BICRAL: variants seen among roughly 807,000 people sequenced by gnomAD.
BICRAL encodes the protein BRD4-interacting chromatin-remodeling complex-associated protein-like.
A neutral mutation model predicts 91.8 loss-of-function variants in BICRAL; 8 were observed. That is an observed-to-expected ratio of 0.09 (90% confidence interval 0.05 to 0.16). The LOEUF is 0.16. Ranked by LOEUF, BICRAL falls within the 10% of genes least tolerant of loss-of-function variation. The probability of loss-of-function intolerance (pLI) is 1.00; values close to 1 mark genes in which losing one functional copy is unlikely to be tolerated. For synonymous variants in BICRAL, 445 were observed against 491.1 expected (o/e 0.91, Z 1.24); for missense variants, 1,038 against 1,310.9 (o/e 0.79, Z 3.21).
At chr6:42,792,739 C>G (rs1763308096) in intron 1 of BICRAL, among the ~76,000 whole-genome samples, 1 of 151,730 alleles carries the variant, frequency 6.6e-6, no homozygotes, top group Non-Finnish European at 1.5e-5. Flanking sequence ...ATGAAGAAAC[C>G]CCATCTCTAC....
At chr6:42,793,296 A>ATTTTTT (rs35332872) in intron 1 of BICRAL, among the ~76,000 whole-genome samples, 334 of 22,968 alleles carry the variant, frequency 0.015, 27 homozygotes, top group African/African-American at 0.032. Flanking sequence ...GACCCAGCTA[A>ATTTTTT]TTTTTTTTTT....
At chr6:42,791,447 T>C (rs1427923381) in intron 1 of BICRAL, among the ~76,000 whole-genome samples, 2 of 152,180 alleles carry the variant, frequency 1.3e-5, no homozygotes, top group South Asian at 4.1e-4. Flanking sequence ...GATATTGCCT[T>C]TCTAGAAATG....
chr6:42,838,432 G>A (rs1014764817), intron 6 of BICRAL, among the ~76,000 whole-genome samples: 1 of 152,154 alleles, frequency 6.6e-6, no homozygotes, highest in African/African-American at 2.4e-5. Flanking sequence ...GTGATGCTGA[G>A]TGTGGGCACT....
At chr6:42,772,121 G>GT (rs1318755085) in intron 1 of BICRAL, among the ~76,000 whole-genome samples, 1 of 152,128 alleles carries the variant, frequency 6.6e-6, no homozygotes, top group African/African-American at 2.4e-5. Flanking sequence ...ACCTCCATTA[G>GT]TGAATCATGA....
In BICRAL at chr6:42,829,833, C is replaced by T. The variant is rs1463888943; in HGVS notation, c.1500C>T (p.Pro500=). The T allele has an allele frequency of 1.9e-6, 3 of 1,614,176 alleles. No homozygotes were observed. The highest frequency in any genetic ancestry group is 1.3e-5 in the African/African-American group (1 of 75,064). The change falls in exon 6 of 13, where the codon CCC becomes CCT. Residue 500 remains proline (P), a synonymous_variant. Transcript: ENST00000314073. ...ASPQLVGGQM[P]LQQASPTVLH... The stretch of plus-strand genomic sequence containing the variant: ...CTCAGCTTGTGGGTGGACAGATGCC[C>T]TTGCAGCAGGCATCCCCAACTGTAT...
intron 11 of BICRAL, among the ~76,000 whole-genome samples, chr6:42,860,914 G>T (rs1477978843): frequency 6.6e-6 from 1 of 152,220 alleles, no homozygotes; most frequent in African/African-American, 2.4e-5. Flanking sequence ...ATCACCTGAG[G>T]TCGGGAGTTC....
chr6:42,837,634 CCCAA>C (rs1764680845), intron 6 of BICRAL, among the ~76,000 whole-genome samples: 3 of 151,786 alleles, frequency 2.0e-5, no homozygotes, highest in Non-Finnish European at 4.4e-5. Context: ...CGCCTGTAGT[CCCAA>C]CTACTCGGGA....
intron 2 of BICRAL, among the ~76,000 whole-genome samples, chr6:42,812,146 T>A (rs1763858560): frequency 6.6e-6 from 1 of 152,182 alleles, no homozygotes; most frequent in South Asian, 2.1e-4. Flanking sequence ...GCAGAAATTA[T>A]ACAAATGATA....
At chr6:42,845,727 A>G (rs750108093) in intron 6 of BICRAL, among the ~76,000 whole-genome samples, 2 of 151,974 alleles carry the variant, frequency 1.3e-5, no homozygotes, top group African/African-American at 4.8e-5. Context: ...CCGGTTTCCA[A>G]TACTTAACAA....
At chr6:42,844,326 G>A (rs1582866013) in intron 6 of BICRAL, among the ~76,000 whole-genome samples, 2 of 149,986 alleles carry the variant, frequency 1.3e-5, no homozygotes, top group East Asian at 2.0e-4. Context: ...TGGCTAACCC[G>A]GTGAAACCCC....
intron 5 of BICRAL, among the ~76,000 whole-genome samples, chr6:42,828,274 G>A (rs570660451): frequency 6.6e-6 from 1 of 151,860 alleles, no homozygotes; most frequent in Non-Finnish European, 1.5e-5. Context: ...GGTGGCAGGC[G>A]CCTGTAGTCC....
At chr6:42,848,566 C>G (rs1765088877) in intron 6 of BICRAL, among the ~76,000 whole-genome samples, 1 of 152,084 alleles carries the variant, frequency 6.6e-6, no homozygotes, top group African/African-American at 2.4e-5. Flanking sequence ...TAATTATGGC[C>G]GGGAGCAGTG....
chr6:42,852,716 C>G (rs1300452471), intron 7 of BICRAL, among the ~76,000 whole-genome samples: 1 of 149,192 alleles, frequency 6.7e-6, no homozygotes, highest in Non-Finnish European at 1.5e-5. Flanking sequence ...GATGTACTAT[C>G]ATTTTTTATA....
rs749524237 is a variant in BICRAL at position 42,853,661 on chromosome 6, A to T, written c.1969A>T (p.Ile657Leu). ...AGGGCAGGATTCTGGAAGCAAAGTT[A>T]TATCCGCATCCTTAGGAACCGCACA... ...LPGQDSGSKV[I>L]SASLGTAQPQ... Residue 657 changes from isoleucine (I) to leucine (L), a missense_variant, in exon 8 of 13, where the codon ATA (isoleucine) becomes TTA (leucine). By Grantham distance (5) the Ile-to-Leu change is conservative. Around this residue, in one of 5 missense-constraint regions of BICRAL, gnomAD observed 532 missense variants for 724.9 expected, o/e 0.73. Coordinates refer to ENST00000314073, the MANE Select transcript of BICRAL (RefSeq NM_001393499.1). The T allele has an allele frequency of 6.2e-7, 1 of 1,613,810 alleles. No individual in the cohort carries two copies. The highest frequency in any genetic ancestry group is 8.5e-7 in the Non-Finnish European group (1 of 1,179,650).
chr6:42,815,890 A>G (rs1346001412), intron 2 of BICRAL, among the ~76,000 whole-genome samples: 1 of 149,408 alleles, frequency 6.7e-6, no homozygotes, highest in Admixed American at 6.8e-5. Context: ...AGGCTGAGGC[A>G]GGACAGTCAC....
intron 6 of BICRAL, among the ~76,000 whole-genome samples, chr6:42,837,045 A>G (rs1213718679): frequency 6.6e-6 from 1 of 151,924 alleles, no homozygotes; most frequent in East Asian, 1.9e-4. Context: ...CCCAGGTTCA[A>G]GCGATTCTCC....
In BICRAL at chr6:42,864,744, C is replaced by T. The variant is rs375294583; in HGVS notation, c.2538C>T (p.Gly846=). The T allele has an allele frequency of 5.0e-6, 8 of 1,613,976 alleles. No individual in the cohort carries two copies. Among genetic ancestry groups the T allele is most frequent in the Admixed American group, 3.3e-5 (2 of 60,006 alleles). Residue 846 remains glycine (G), a synonymous_variant, in exon 13 of 13, where the codon GGC becomes GGT. Coordinates refer to ENST00000314073, the MANE Select transcript of BICRAL (RefSeq NM_001393499.1). ...AGTTTGGCCGGAGTGACCAGCATGG[C>T]AGTAAAGCAAGCAGCTCTCTGCAAC... ...ETQFGRSDQH[G]SKASSSLQPP... is the part of the protein sequence containing the mutation.
chr6:42,755,730 C>T (rs572023814), intron 1 of BICRAL, among the ~76,000 whole-genome samples: 13 of 149,656 alleles, frequency 8.7e-5, no homozygotes, highest in African/African-American at 2.7e-4. Context: ...AGTGCAATGG[C>T]GTGATCTCAG....
intron 2 of BICRAL, among the ~76,000 whole-genome samples, chr6:42,818,843 T>C (rs1459308604): frequency 6.6e-6 from 1 of 151,832 alleles, no homozygotes; most frequent in Non-Finnish European, 1.5e-5. Flanking sequence ...CTGTGTCCTC[T>C]TGATTAAAAG....
Sources: gnomAD v4.1 joint callset for allele counts (sites outside exome capture counted in the v4.1 genomes callset) on GRCh38, gnomAD v4.1.1 for gene constraint, gnomAD v4.1.1 regional missense constraint, MANE v1.5 for transcripts, NCBI Gene and HGNC (gene_info 2026-07-23, HGNC 2026-07-21) for gene names.